KNL1: variants seen among roughly 807,000 people sequenced by gnomAD.
The protein encoded by KNL1 is outer kinetochore KNL1 complex subunit KNL1.
KNL1 carries 66 observed loss-of-function variants against 201.3 expected under a neutral mutation model. The ratio of observed to expected loss-of-function variants is 0.33; its 90% CI spans 0.27 to 0.40. The LOEUF (loss-of-function observed/expected upper bound fraction) is 0.40, where lower values mean the gene tolerates loss of function less well. Ranked by LOEUF, KNL1 falls within the 10% of genes least tolerant of loss-of-function variation. The pLI is 1.00. For synonymous variants in KNL1, 895 were observed against 899.2 expected, an observed-to-expected ratio of 1.00 and a Z score of 0.08; for missense variants, 2,815 against 2,690.5, an observed-to-expected ratio of 1.05 and a Z score of -1.02.
chr15:40,625,433 C>G lies in KNL1; in HGVS notation c.5169C>G (p.Ile1723Met), dbSNP rs1236960853. The change falls in exon 10 of 26, where the codon ATC (isoleucine) becomes ATG (methionine). Residue 1723 changes from isoleucine to methionine, a missense_variant. Around this residue, in one of 3 missense-constraint regions of KNL1, gnomAD observed 2,464 missense variants for 2,291.7 expected, o/e 1.08. Transcript: ENST00000399668. ...EENLPVYPDE[I>M]NSSDSINIET... The stretch of plus-strand genomic sequence containing the variant: ...ATCTTCCTGTATATCCTGATGAGAT[C>G]AATTCTTCAGACTCTATTAACATAG... 1 of 1,613,794 alleles carries G rather than the reference C, an allele frequency of 6.2e-7. No individual in the cohort carries two copies. The highest frequency in any genetic ancestry group is 2.2e-5 in the East Asian group (1 of 44,858).
chr15:40,647,753 A>AT (rs890172946), intron 17 of KNL1, among the ~76,000 whole-genome samples: 7 of 152,140 alleles, frequency 4.6e-5, no homozygotes, highest in African/African-American at 1.7e-4. Context: ...GTCCTTAGCC[A>AT]TTTTGACCTC....
intron 25 of KNL1, among the ~76,000 whole-genome samples, chr15:40,661,096 G>A (rs551827816): frequency 6.6e-5 from 10 of 152,014 alleles, no homozygotes; most frequent in Non-Finnish European, 1.3e-4. Flanking sequence ...CACCTAGGCC[G>A]GGCATGGTGG....
At chr15:40,609,175 A>G (rs1271106941) in intron 5 of KNL1, among the ~76,000 whole-genome samples, 1 of 151,760 alleles carries the variant, frequency 6.6e-6, no homozygotes, top group Non-Finnish European at 1.5e-5. Flanking sequence ...TGGGAGGTTG[A>G]AGCCAGAGGA....
At chr15:40,647,137 T>G in intron 17 of KNL1, 63 bp downstream of exon 17, 1 of 810,116 alleles carries the variant, frequency 1.2e-6, no homozygotes, top group Non-Finnish European at 2.2e-6. Flanking sequence ...TCTCCTACAG[T>G]AGAGAATGTT....
chr15:40,631,296 T>TA (rs112826725), intron 13 of KNL1, among the ~76,000 whole-genome samples: 39 of 146,200 alleles, frequency 2.7e-4, no homozygotes, highest in East Asian at 2.4e-3. Flanking sequence ...CATAGTTGGG[T>TA]AAAAAAAAAA....
rs1157968177 is a variant in KNL1 at position 40,620,730 on chromosome 15, A to G, written c.466A>G (p.Ser156Gly). ...SDENQMDLTS[S>G]HTVMITKGLL... Reference sequence around the variant, plus strand: ...TGAAAACCAGATGGACCTGACATCAAGTCACACTGTAATGATTACCAAAGG... The same window carrying G: ...TGAAAACCAGATGGACCTGACATCAGGTCACACTGTAATGATTACCAAAGG... Residue 156 changes from serine (S) to glycine (G), a missense_variant, in exon 10 of 26, where the codon AGT becomes GGT. This residue lies in a region of KNL1 where 2,464 missense variants were observed against 2,291.7 expected (regional missense o/e 1.08). Coordinates refer to ENST00000399668, the MANE Select transcript of KNL1 (RefSeq NM_144508.5). 1.3e-5 allele frequency: 21 copies of G among 1,611,526 alleles called. No homozygotes were observed. In the Middle Eastern group the frequency reaches 4.9e-4, roughly 38 times the overall value.
rs141659754 is a variant in KNL1 at position 40,643,948 on chromosome 15, C to T, written c.5799-1049C>T. On this transcript the variant is annotated intron_variant, in intron 14 of 25. Transcript: ENST00000399668. Reference sequence around the variant, plus strand: ...CATTCAAGCTGGCTTCTGAACCCTACGCTTGAAGAGGTGGCCTGCCCCTCC... The same window carrying T: ...CATTCAAGCTGGCTTCTGAACCCTATGCTTGAAGAGGTGGCCTGCCCCTCC... 1.0e-3 allele frequency among the ~76,000 whole-genome samples: 155 copies of T among 152,286 alleles called. 1 individual carries two copies. Among genetic ancestry groups the T allele is most frequent in the African/African-American group, 3.5e-3 (145 of 41,564 alleles).
At chr15:40,646,213 A>G (rs950275622) in intron 16 of KNL1, among the ~76,000 whole-genome samples, 14 of 152,222 alleles carry the variant, frequency 9.2e-5, no homozygotes, top group African/African-American at 3.4e-4. Context: ...TGTTGCAAGC[A>G]ATATGCCCTT....
intron 13 of KNL1, among the ~76,000 whole-genome samples, chr15:40,631,700 CA>C (rs1892915904): frequency 6.6e-6 from 1 of 151,926 alleles, no homozygotes; most frequent in African/African-American, 2.4e-5. Flanking sequence ...AAATAGAAAA[CA>C]AAAATTGTTG....
intron 7 of KNL1, among the ~76,000 whole-genome samples, chr15:40,614,756 A>G (rs1358056580): frequency 1.3e-5 from 2 of 152,178 alleles, no homozygotes; most frequent in African/African-American, 2.4e-5. Context: ...GGCTGCACCA[A>G]CATTTAGTGA....
chr15:40,650,167 A>T (rs1893510928), intron 17 of KNL1, 134 bp from the exon 18 acceptor site: 1 of 611,484 alleles, frequency 1.6e-6, no homozygotes. Context: ...AGAACTTCTG[A>T]ACTTCCTACT....
intron 24 of KNL1, among the ~76,000 whole-genome samples, chr15:40,659,017 G>A (rs112264580): frequency 1.5e-3 from 230 of 152,038 alleles, no homozygotes; most frequent in African/African-American, 5.3e-3. Flanking sequence ...TGCTGGGACA[G>A]TGGCTCACTC....
chr15:40,641,856 G>A (rs1040920542), intron 14 of KNL1, among the ~76,000 whole-genome samples: 3 of 152,124 alleles, frequency 2.0e-5, no homozygotes. Flanking sequence ...AAAAGAACAT[G>A]GTTTTACGTA....
chr15:40,632,618 A>C (rs1595933827), intron 13 of KNL1, among the ~76,000 whole-genome samples: 1 of 152,194 alleles, frequency 6.6e-6, no homozygotes, highest in East Asian at 1.9e-4. Flanking sequence ...AAACGAAGAA[A>C]GTGAAAAGGC....
intron 13 of KNL1, among the ~76,000 whole-genome samples, chr15:40,636,731 T>G (rs1055542875): frequency 1.3e-5 from 2 of 152,136 alleles, no homozygotes; most frequent in Non-Finnish European, 2.9e-5. Context: ...CTCGCGAGGC[T>G]GAAGTGGGAG....
At chr15:40,627,792 G>A (rs779703810) in intron 10 of KNL1, among the ~76,000 whole-genome samples, 1 of 152,046 alleles carries the variant, frequency 6.6e-6, no homozygotes, top group Non-Finnish European at 1.5e-5. Context: ...AATTGGATAG[G>A]TGAACATTTG....
chr15:40,633,155 C>T (rs533681682), intron 13 of KNL1, among the ~76,000 whole-genome samples: 4 of 151,960 alleles, frequency 2.6e-5, no homozygotes, highest in African/African-American at 4.8e-5. Flanking sequence ...ATGGTGAAAC[C>T]GCATCTCTAC....
At position 40,622,085 on chromosome 15, in the gene KNL1, C is replaced by G; in HGVS notation, c.1821C>G (p.Ser607Arg). 1 of 1,614,062 alleles carries G rather than the reference C, an allele frequency of 6.2e-7. No homozygotes were observed. The highest frequency in any genetic ancestry group is 8.5e-7 in the Non-Finnish European group (1 of 1,179,960). The change falls in exon 10 of 26, where the codon AGC (serine) becomes AGG (arginine). Residue 607 changes from serine (S) to arginine (R), a missense_variant. Physicochemically the swap from Ser to Arg is moderately radical, Grantham distance 110. Around this residue, in one of 3 missense-constraint regions of KNL1, gnomAD observed 2,464 missense variants for 2,291.7 expected, o/e 1.08. Coordinates refer to ENST00000399668, the MANE Select transcript of KNL1 (RefSeq NM_144508.5). ...GTGAATCTCACTCTCAGAGCAAAAG[C>G]TCTTCAGATGAATGTGAAGAAATTA... ...STSESHSQSK[S>R]SSDECEEITK...
intron 16 of KNL1, chr15:40,646,651 A>G (rs1893391493): frequency 6.4e-6 from 1 of 155,662 alleles, no homozygotes; most frequent in South Asian, 2.0e-4. Flanking sequence ...AGGTCGGGAG[A>G]TCGAGACCAT....
Sources: gnomAD v4.1 joint callset for allele counts (sites outside exome capture counted in the v4.1 genomes callset) on GRCh38, gnomAD v4.1.1 for gene constraint, gnomAD v4.1.1 regional missense constraint, MANE v1.5 for transcripts, NCBI Gene and HGNC (gene_info 2026-07-23, HGNC 2026-07-21) for gene names.